MACF1: variants seen among roughly 807,000 people sequenced by gnomAD.
The protein encoded by MACF1 is microtubule-actin cross-linking factor 1.
In MACF1, 193 loss-of-function variants were observed where a neutral mutation model predicts 854.8. The ratio of observed to expected loss-of-function variants is 0.23; its 90% CI spans 0.20 to 0.25. The LOEUF is 0.25. Ranked by LOEUF, MACF1 falls within the 10% of genes least tolerant of loss-of-function variation. The pLI, the probability that MACF1 is intolerant of heterozygous loss-of-function variation, is 1.00. For missense variants in MACF1, 7,722 were observed against 8,929.1 expected, an observed-to-expected ratio of 0.86 and a Z score of 5.45; for synonymous variants, 3,185 against 3,226.7, an observed-to-expected ratio of 0.99 and a Z score of 0.44.
intron 52 of MACF1, 80 bp downstream of exon 52, chr1:39,372,676 T>A: frequency 1.1e-6 from 1 of 921,858 alleles, no homozygotes; most frequent in Non-Finnish European, 1.8e-6. Context: ...CTTATATAAT[T>A]AAAGTGAAAA....
At chr1:39,144,988 C>T (rs917401357) in intron 2 of MACF1, among the ~76,000 whole-genome samples, 8 of 152,174 alleles carry the variant, frequency 5.3e-5, no homozygotes, top group Non-Finnish European at 1.0e-4. Context: ...TGCTTCCTGA[C>T]CTATCATGTA....
At chr1:39,207,471 G>A (rs1644464799) in intron 1 of MACF1, among the ~76,000 whole-genome samples, 1 of 151,826 alleles carries the variant, frequency 6.6e-6, no homozygotes, top group African/African-American at 2.4e-5. Flanking sequence ...GTAGAGACGG[G>A]GTTTCTCCAT....
intron 42 of MACF1, 107 bp from the exon 43 acceptor site, chr1:39,350,678 C>A: frequency 1.4e-6 from 1 of 707,380 alleles, no homozygotes; most frequent in Non-Finnish European, 2.4e-6. Context: ...TAGTTAGGGA[C>A]TATATACAGG....
intron 58 of MACF1, among the ~76,000 whole-genome samples, chr1:39,418,893 A>T (rs2148630258): frequency 6.6e-6 from 1 of 152,254 alleles, no homozygotes; most frequent in Non-Finnish European, 1.5e-5. Context: ...ACAAAGATAA[A>T]AGTGTTTTAA....
intron 58 of MACF1, among the ~76,000 whole-genome samples, chr1:39,403,808 C>G (rs938691561): frequency 6.7e-6 from 1 of 149,174 alleles, no homozygotes; most frequent in Non-Finnish European, 1.5e-5. Flanking sequence ...AGTGAGCATC[C>G]CGTCCCAAAG....
intron 1 of MACF1, among the ~76,000 whole-genome samples, chr1:39,211,323 C>A (rs185757369): frequency 6.6e-6 from 1 of 152,144 alleles, no homozygotes; most frequent in Admixed American, 6.5e-5. Context: ...TGATTATTTA[C>A]CATCATTATT....
chr1:39,405,078 T>A (rs1469604565), intron 58 of MACF1, among the ~76,000 whole-genome samples: 2 of 152,198 alleles, frequency 1.3e-5, no homozygotes, highest in Non-Finnish European at 2.9e-5. Flanking sequence ...TCATGAGAGT[T>A]CCTGCAGAGT....
intron 70 of MACF1, among the ~76,000 whole-genome samples, chr1:39,437,085 A>G (rs1012141738): frequency 2.6e-5 from 4 of 152,184 alleles, no homozygotes; most frequent in Non-Finnish European, 2.9e-5. Context: ...GTTGCATGCA[A>G]CTGTCATCTC....
intron 20 of MACF1, among the ~76,000 whole-genome samples, chr1:39,297,100 A>AT (rs548995392): frequency 2.6e-5 from 4 of 151,524 alleles, no homozygotes; most frequent in African/African-American, 9.7e-5. Flanking sequence ...ATTTTTTTGT[A>AT]TTTTTTTAGT....
At chr1:39,142,241 T>G (rs1243043044) in intron 2 of MACF1, among the ~76,000 whole-genome samples, 2 of 152,342 alleles carry the variant, frequency 1.3e-5, no homozygotes, top group South Asian at 4.1e-4. Flanking sequence ...TTTCCCAAAC[T>G]GCCAGCCTCC....
chr1:39,262,211 G>C (rs1302440344), intron 6 of MACF1, among the ~76,000 whole-genome samples: 1 of 151,822 alleles, frequency 6.6e-6, no homozygotes, highest in Non-Finnish European at 1.5e-5. Flanking sequence ...AGACCAGCCT[G>C]GCTAACATGG....
chr1:39,292,156 A>T, intron 16 of MACF1, 118 bp downstream of exon 16: 2 of 1,188,200 alleles, frequency 1.7e-6, no homozygotes, highest in Non-Finnish European at 2.3e-6. Flanking sequence ...AATAATGATG[A>T]TGAAGAGCGG....
intron 66 of MACF1, among the ~76,000 whole-genome samples, chr1:39,431,289 G>GAATCAAGAGCTAT (rs144853034): frequency 6.6e-6 from 1 of 151,858 alleles, no homozygotes; most frequent in Non-Finnish European, 1.5e-5. Flanking sequence ...GAGGGGGAAG[G>GAATCAAGAGCTAT]AATTACTATC....
rs1428418899 is a variant in MACF1, at chr1:39,332,922, A to G, written c.6334A>G (p.Thr2112Ala). The change falls in exon 37 of 101, where the codon ACC becomes GCC. Residue 2112 changes from threonine (T) to alanine (A), a missense_variant. Transcript: ENST00000564288. ...KLEVQRQLIG[T>A]QREDQTAVSV... ...AGAGGTACAAAGGCAGTTGATAGGT[A>G]CCCAAAGGGAAGACCAAACAGCAGT... is the stretch of plus-strand genomic sequence containing the variant. 1 of 1,614,044 alleles carries G rather than the reference A, an allele frequency of 6.2e-7. No individual in the cohort carries two copies. The highest frequency in any genetic ancestry group is 2.2e-5 in the East Asian group (1 of 44,902).
At chr1:39,343,976 G>A (rs544527400) in intron 40 of MACF1, among the ~76,000 whole-genome samples, 5 of 152,162 alleles carry the variant, frequency 3.3e-5, no homozygotes, top group East Asian at 3.9e-4. Context: ...TTAGCCAGGC[G>A]TGGTGGCACA....
rs1642889821 is a variant in MACF1 at position 39,409,513 on chromosome 1, C to G, written c.15817-12861C>G. 1 of 152,122 alleles carries G rather than the reference C, an allele frequency of 6.6e-6. No homozygotes were observed. Among genetic ancestry groups the G allele is most frequent in the African/African-American group, 2.4e-5 (1 of 41,378 alleles). 9.4% of individuals were successfully genotyped at this position (152,122 alleles called of 1,614,324 possible). Reference sequence around the variant, plus strand: ...CCCTCCGACAGACCCGCGGCCGCTGCTGCTGCCCGCCCGCCCGCCTGCCTT... The same window carrying G: ...CCCTCCGACAGACCCGCGGCCGCTGGTGCTGCCCGCCCGCCCGCCTGCCTT... On this transcript the variant is annotated intron_variant, in intron 58 of 100. Coordinates refer to ENST00000564288, the MANE Select transcript of MACF1 (RefSeq NM_001394062.1). The surrounding 1 kb of genome is among the most constrained non-coding windows in gnomAD (Gnocchi z 4.2).
Position 39,287,311 on chromosome 1 carries a change from G to T in MACF1, c.1534G>T (p.Val512Phe). The T allele has an allele frequency of 6.2e-7, 1 of 1,613,994 alleles. No individual in the cohort carries two copies. The highest frequency in any genetic ancestry group is 2.2e-5 in the East Asian group (1 of 44,884). Reference protein sequence around the residue: ...FRVMRLQDELVTLRLECTNLY... With the variant: ...FRVMRLQDELFTLRLECTNLY... ...GGTCATGCGTCTTCAGGATGAGCTG[G>T]TCACCTTGCGTCTAGAGTGTACAAA... The change falls in exon 15 of 101, where the codon GTC (valine) becomes TTC (phenylalanine). Residue 512 changes from valine to phenylalanine, a missense_variant. This residue lies in a region of MACF1 where 1,137 missense variants were observed against 1,263.0 expected (regional missense o/e 0.90). Coordinates refer to ENST00000564288, the MANE Select transcript of MACF1 (RefSeq NM_001394062.1).
rs376728302 is a variant in MACF1 at position 39,448,607 on chromosome 1, C to G, written c.20102C>G (p.Thr6701Ser). 4.9e-5 allele frequency: 76 copies of G among 1,552,778 alleles called. No homozygotes were observed. Among genetic ancestry groups the G allele is most frequent in the Admixed American group, 3.7e-4 (20 of 53,594 alleles). The change falls in exon 84 of 101, where the codon ACT becomes AGT. Residue 6701 changes from threonine to serine, a missense_variant. Coordinates refer to ENST00000564288, the MANE Select transcript of MACF1 (RefSeq NM_001394062.1). The part of the protein sequence containing the change: ...QLSKHKEFQK[T>S]LGGKQPVYDT... ...CTGGAAACATAGGAGTTTCAGAAGA[C>G]TCTTGGTGGCAAGCAGCCTGTGTAT...
chr1:39,397,743 A>G (rs1642330226), intron 58 of MACF1, among the ~76,000 whole-genome samples: 1 of 152,294 alleles, frequency 6.6e-6, no homozygotes. Flanking sequence ...AAACTGAATG[A>G]TTGGGTACTT....
Sources: gnomAD v4.1 joint callset for allele counts (sites outside exome capture counted in the v4.1 genomes callset) on GRCh38, gnomAD v4.1.1 for gene constraint, gnomAD v4.1.1 regional missense constraint, Gnocchi (gnomAD v3.1) non-coding constraint, MANE v1.5 for transcripts, NCBI Gene and HGNC (gene_info 2026-07-23, HGNC 2026-07-21) for gene names.